Variants in JMJD1C observed in about 807,000 individuals in gnomAD.
The protein encoded by JMJD1C is jumonji domain containing 1C, also known as jumonji domain-containing protein 1C.
Under a neutral mutation model 245.3 loss-of-function variants are expected in JMJD1C, and 31 were observed. The observed-to-expected ratio is 0.13, with a 90% CI of 0.09 to 0.17. The LOEUF is 0.17. Among genes scored for constraint, JMJD1C ranks in the 10% least tolerant of loss-of-function variants. JMJD1C has a pLI of 1.00. For missense variants in JMJD1C, 2,691 were observed against 3,000.2 expected (o/e 0.90, Z 2.41); for synonymous variants, 1,057 against 1,017.4 (o/e 1.04, Z -0.74).
chr10:63,517,608 T>C (rs1314455192), intron 1 of JMJD1C, among the ~76,000 whole-genome samples: 1 of 152,148 alleles, frequency 6.6e-6, no homozygotes, highest in Non-Finnish European at 1.5e-5. Flanking sequence ...GTGATATATG[T>C]ATAAAATCAA....
Position 63,194,392 on chromosome 10 carries a change from C to T in JMJD1C, c.5645-17G>A, listed in dbSNP as rs566574890. 39 of 1,439,008 alleles carry T rather than the reference C, an allele frequency of 2.7e-5. No individual in the cohort carries two copies. In the South Asian group the frequency reaches 4.3e-4, roughly 16 times the overall value. The allele number at this position is 1,439,008 out of a possible 1,614,324, so 89.1% of individuals were successfully genotyped here. On this transcript the variant is annotated splice_polypyrimidine_tract_variant and intron_variant, in intron 13 of 25. Transcript: ENST00000399262. ...GTTCTTTATCTGTAAGATAATAAAA[C>T]TTGTATATCACACTCATGGTTTCAT... is the stretch of plus-strand genomic sequence containing the variant.
intron 12 of JMJD1C, 50 bp downstream of exon 12, chr10:63,198,463 A>G: frequency 8.8e-7 from 1 of 1,140,766 alleles, no homozygotes. Flanking sequence ...TTCAAAGAGA[A>G]ATTCTTAAAA....
At chr10:63,358,535 T>C (rs1945058689) in intron 2 of JMJD1C, among the ~76,000 whole-genome samples, 1 of 151,978 alleles carries the variant, frequency 6.6e-6, no homozygotes, top group Non-Finnish European at 1.5e-5. Context: ...ATAATTAAGA[T>C]ATATCATATA....
At chr10:63,378,752 T>C (rs1160855097) in intron 2 of JMJD1C, among the ~76,000 whole-genome samples, 1 of 152,210 alleles carries the variant, frequency 6.6e-6, no homozygotes, top group Non-Finnish European at 1.5e-5. Context: ...TTCTCATAAA[T>C]TGTATCCAGT....
chr10:63,350,072 T>C (rs944268445), intron 2 of JMJD1C, among the ~76,000 whole-genome samples: 2 of 152,190 alleles, frequency 1.3e-5, no homozygotes, highest in African/African-American at 2.4e-5. Context: ...AGAATAAGAT[T>C]TTAATATATT....
intron 1 of JMJD1C, among the ~76,000 whole-genome samples, chr10:63,520,538 C>T (rs1345233536): frequency 1.3e-5 from 2 of 151,048 alleles, no homozygotes; most frequent in Non-Finnish European, 2.9e-5. Flanking sequence ...TAAAAGTCTG[C>T]CCTTGAAATG....
chr10:63,504,721 A>G lies in JMJD1C; in HGVS notation n.113+17017T>C, dbSNP rs77612951. Among the ~76,000 whole-genome samples the G allele has an allele frequency of 1.1e-4, 17 of 152,314 alleles. No homozygotes were observed. The East Asian group carries it at 2.1e-3, about 19-fold the overall frequency. ...CACTAAAAAGGCCACTCTGCTTGCT[A>G]TGCAGATTGAAACAGGTCAATAATA... On this transcript the variant is annotated intron_variant and non_coding_transcript_variant, in intron 1 of 3. Coordinates refer to the JMJD1C transcript ENST00000633035.
intron 2 of JMJD1C, among the ~76,000 whole-genome samples, chr10:63,272,107 A>G (rs923340914): frequency 6.6e-6 from 1 of 151,988 alleles, no homozygotes; most frequent in Non-Finnish European, 1.5e-5. Flanking sequence ...AAAACTACCG[A>G]AAAGATATTT....
rs144030753 is a variant in JMJD1C, at chr10:63,209,521, A to G, written c.2695-286T>C. On this transcript the variant is annotated intron_variant, in intron 8 of 25. Transcript: ENST00000399262. Reference sequence around the variant, plus strand: ...AATCAGTGCCTTAAATTTACTATAAATGCCATATACAGAACCTAGTTTATA... The same window carrying G: ...AATCAGTGCCTTAAATTTACTATAAGTGCCATATACAGAACCTAGTTTATA... Among the ~76,000 whole-genome samples, 169 of 152,324 alleles carry G rather than the reference A, an allele frequency of 1.1e-3. 1 individual carries two copies. Among genetic ancestry groups the G allele is most frequent in the African/African-American group, 3.7e-3 (155 of 41,586 alleles).
At chr10:63,313,794 T>C (rs1939560530) in intron 2 of JMJD1C, among the ~76,000 whole-genome samples, 1 of 152,244 alleles carries the variant, frequency 6.6e-6, no homozygotes, top group South Asian at 2.1e-4. Context: ...ATGGGACTGT[T>C]GAACTTTTTG....
At chr10:63,435,253 A>C (rs1021536044) in intron 1 of JMJD1C, among the ~76,000 whole-genome samples, 1 of 152,298 alleles carries the variant, frequency 6.6e-6, no homozygotes, top group East Asian at 1.9e-4. Context: ...TATTTTAGTG[A>C]GGTTCACTTT....
At chr10:63,321,223 G>A (rs1940818492) in intron 2 of JMJD1C, among the ~76,000 whole-genome samples, 1 of 152,172 alleles carries the variant, frequency 6.6e-6, no homozygotes, top group Admixed American at 6.5e-5. Context: ...TAATAAATCG[G>A]TAAACATAAT....
chr10:63,208,967 T>C, intron 9 of JMJD1C, 96 bp downstream of exon 9: 1 of 1,162,352 alleles, frequency 8.6e-7, no homozygotes, highest in African/African-American at 1.6e-5. Flanking sequence ...AGCCTAATCT[T>C]AAGATATGTG....
intron 1 of JMJD1C, among the ~76,000 whole-genome samples, chr10:63,482,101 A>G (rs1344210792): frequency 6.6e-6 from 1 of 152,208 alleles, no homozygotes; most frequent in Non-Finnish European, 1.5e-5. Context: ...AAATGAAAGG[A>G]GTACAGAAGG....
intron 1 of JMJD1C, among the ~76,000 whole-genome samples, chr10:63,444,330 G>C (rs1021206390): frequency 2.0e-5 from 3 of 152,024 alleles, no homozygotes; most frequent in Non-Finnish European, 4.4e-5. Flanking sequence ...CTGGAGTGCA[G>C]TGGCACAATC....
intron 1 of JMJD1C, among the ~76,000 whole-genome samples, chr10:63,502,861 G>A (rs1190301984): frequency 6.6e-6 from 1 of 152,042 alleles, no homozygotes; most frequent in Non-Finnish European, 1.5e-5. Context: ...AAATCTACAA[G>A]ACTATTCCGA....
intron 7 of JMJD1C, 22 bp downstream of exon 7, chr10:63,215,241 T>TAAA (rs113325920): frequency 1.6e-6 from 2 of 1,280,922 alleles, no homozygotes. Flanking sequence ...TTCATTCCCT[T>TAAA]AAAAAAAAAA....
At position 63,222,548 on chromosome 10, in the gene JMJD1C, T is replaced by C. The variant is rs895095608; in HGVS notation, c.448-2565A>G. On this transcript the variant is annotated intron_variant, in intron 3 of 25. Coordinates refer to ENST00000399262, the MANE Select transcript of JMJD1C (RefSeq NM_032776.3). Reference sequence around the variant, plus strand: ...TCCCAAAGATACTCAACTCAAATACTGTGAAAAACAGTTTGAACTGTCAGA... The same window carrying C: ...TCCCAAAGATACTCAACTCAAATACCGTGAAAAACAGTTTGAACTGTCAGA... 14 of 1,542,200 alleles carry C rather than the reference T, an allele frequency of 9.1e-6. 1 individual carries two copies. The African/African-American group carries it at 1.1e-4, about 12-fold the overall frequency.
At chr10:63,358,482 C>A (rs2134341920) in intron 2 of JMJD1C, among the ~76,000 whole-genome samples, 1 of 151,816 alleles carries the variant, frequency 6.6e-6, no homozygotes, top group South Asian at 2.1e-4. Context: ...GAGTTCTAGT[C>A]CAGCCTGGGC....
Sources: gnomAD v4.1 joint callset for allele counts (sites outside exome capture counted in the v4.1 genomes callset) on GRCh38, gnomAD v4.1.1 for gene constraint, MANE v1.5 for transcripts, NCBI Gene and HGNC (gene_info 2026-07-23, HGNC 2026-07-21) for gene names.